The following CDC42 variants were observed in gnomAD, a reference collection of about 807,000 sequenced individuals.
The protein encoded by CDC42 is cell division cycle 42.
A neutral mutation model predicts 20.8 loss-of-function variants in CDC42; 1 was observed. That is an observed-to-expected ratio of 0.05 (90% CI 0.02 to 0.23). CDC42 has a LOEUF of 0.23. CDC42 is among the 10% of genes least tolerant of loss of function. The pLI is 1.00. For missense variants in CDC42, 49 were observed against 227.9 expected, an observed-to-expected ratio of 0.21 and a Z score of 5.05; for synonymous variants, 72 against 84.8, an observed-to-expected ratio of 0.85 and a Z score of 0.83.
At chr1:22,079,728 A>G (rs1235757208) in intron 2 of CDC42, among the ~76,000 whole-genome samples, 4 of 152,190 alleles carry the variant, frequency 2.6e-5, no homozygotes, top group Non-Finnish European at 5.9e-5. Context: ...AGGTACATGA[A>G]TCTTGTTTCA....
At chr1:22,086,235 T>C (rs536221122) in intron 3 of CDC42, among the ~76,000 whole-genome samples, 1 of 152,210 alleles carries the variant, frequency 6.6e-6, no homozygotes, top group Non-Finnish European at 1.5e-5. Context: ...GCAAATAACA[T>C]AATAGTAAAT....
In CDC42 at chr1:22,092,946, A is replaced by G. The variant is rs1360842142; in HGVS notation, c.*1429A>G. 6.6e-6 allele frequency: 1 copy of G among 152,596 alleles called. No homozygotes were observed. Among genetic ancestry groups the G allele is most frequent in the Non-Finnish European group, 1.5e-5 (1 of 68,040 alleles). 9.5% of individuals were successfully genotyped at this position (152,596 alleles called of 1,614,324 possible). On this transcript the variant is annotated 3_prime_UTR_variant, in exon 6 of 6. Coordinates refer to ENST00000656825, the MANE Select transcript of CDC42 (RefSeq NM_001791.4). ...ATTAAACAAACAAAAACCCTTCACA[A>G]GCCAGCCTGAGGGTTGTTATTTTCC...
chr1:22,089,903 A>G, intron 5 of CDC42: 2 of 1,604,506 alleles, frequency 1.2e-6, no homozygotes, highest in Admixed American at 1.7e-5. Context: ...CTAATCCTCT[A>G]ACCTGGCTGC....
intron 3 of CDC42, among the ~76,000 whole-genome samples, chr1:22,084,927 C>G (rs1645646174): frequency 6.6e-6 from 1 of 152,012 alleles, no homozygotes; most frequent in South Asian, 2.1e-4. Flanking sequence ...TCTTGGCACC[C>G]TTATCAAAAA....
intron 3 of CDC42, among the ~76,000 whole-genome samples, chr1:22,082,590 T>C (rs1645619303): frequency 1.3e-5 from 2 of 152,200 alleles, no homozygotes; most frequent in Admixed American, 1.3e-4. Flanking sequence ...ATCTTTAGAA[T>C]GTAGGAATTC....
Position 22,093,516 on chromosome 1 carries a change from C to T in CDC42, c.*1999C>T, listed in dbSNP as rs987929225. Among the ~76,000 whole-genome samples the T allele has an allele frequency of 6.6e-6, 1 of 152,186 alleles. No individual in the cohort carries two copies. Among genetic ancestry groups the T allele is most frequent in the Admixed American group, 6.5e-5 (1 of 15,272 alleles). On this transcript the variant is annotated 3_prime_UTR_variant, in exon 6 of 6. Transcript: ENST00000656825. ...TTTACCTTTAGGACATTATACTGAT[C>T]TGCATGAGAATCTTAGAAACTAAGA...
At chr1:22,058,707 C>T (rs1216052882) in intron 1 of CDC42, among the ~76,000 whole-genome samples, 4 of 152,160 alleles carry the variant, frequency 2.6e-5, no homozygotes, top group Non-Finnish European at 5.9e-5. Flanking sequence ...CCATGCTGGT[C>T]AGGCTGGTCT....
chr1:22,054,891 GTATA>G (rs1157685736), intron 1 of CDC42, among the ~76,000 whole-genome samples: 11,296 of 71,616 alleles, frequency 0.16, 848 homozygotes, highest in African/African-American at 0.18. Context: ...TTGAATTTAT[GTATA>G]TATATATATA....
chr1:22,064,941 ACAGG>A (rs1645405557), intron 1 of CDC42, among the ~76,000 whole-genome samples: 1 of 152,070 alleles, frequency 6.6e-6, no homozygotes. Flanking sequence ...TTCTGGGATT[ACAGG>A]CGTGCATTCT....
intron 1 of CDC42, among the ~76,000 whole-genome samples, chr1:22,054,923 T>TA (rs1557890201): frequency 4.0e-3 from 52 of 12,902 alleles, no homozygotes; most frequent in African/African-American, 4.2e-3. Flanking sequence ...ATATATATAT[T>TA]TTTTTTTTTT....
chr1:22,062,730 TA>T (rs531472151), intron 1 of CDC42, among the ~76,000 whole-genome samples: 13 of 69,402 alleles, frequency 1.9e-4, no homozygotes, highest in Non-Finnish European at 2.5e-4. Flanking sequence ...TGGCTCTATT[TA>T]AAAAAAAAAA....
intron 1 of CDC42, 103 bp from the exon 2 acceptor site, chr1:22,078,326 T>G (rs1645573369): frequency 1.8e-6 from 1 of 551,424 alleles, no homozygotes; most frequent in Non-Finnish European, 3.2e-6. Flanking sequence ...ATAATAATTG[T>G]GCTAGTTCTT....
rs553168193 is a variant in CDC42 at position 22,098,743 on chromosome 1, A to G, written c.*7226A>G. Among the ~76,000 whole-genome samples, 5 of 152,212 alleles carry G rather than the reference A, an allele frequency of 3.3e-5. No homozygotes were observed. The highest frequency in any genetic ancestry group is 1.9e-4 in the East Asian group (1 of 5,182). The stretch of plus-strand genomic sequence containing the variant: ...ATGAATTTTAGAGTATTTCTGGGCT[A>G]TAGGTCATTACAGCTTTACTTATTT... On this transcript the variant is annotated 3_prime_UTR_variant, in exon 6 of 6. Transcript: ENST00000656825.
In CDC42 at chr1:22,092,326, C is replaced by T. The variant is rs571469235; in HGVS notation, c.*809C>T. On this transcript the variant is annotated 3_prime_UTR_variant, in exon 6 of 6. Transcript: ENST00000656825. Reference sequence around the variant, plus strand: ...TTTTTGGGAAGTTAATTTCTAACTTCTTTCACTGATAAATGAAGAAAAGTA... The same window carrying T: ...TTTTTGGGAAGTTAATTTCTAACTTTTTTCACTGATAAATGAAGAAAAGTA... 1 of 152,686 alleles carries T rather than the reference C, an allele frequency of 6.5e-6. No homozygotes were observed. Among genetic ancestry groups the T allele is most frequent in the Admixed American group, 6.5e-5 (1 of 15,292 alleles). The allele number at this position is 152,686 out of a possible 1,614,324, so 9.5% of individuals were successfully genotyped here.
At chr1:22,069,595 T>G (rs1043527118) in intron 1 of CDC42, among the ~76,000 whole-genome samples, 2 of 144,256 alleles carry the variant, frequency 1.4e-5, no homozygotes, top group East Asian at 4.1e-4. Context: ...TAGTTGGGAC[T>G]ACAGGCACAT....
chr1:22,067,916 G>T (rs1645442261), intron 1 of CDC42, among the ~76,000 whole-genome samples: 1 of 152,122 alleles, frequency 6.6e-6, no homozygotes, highest in Non-Finnish European at 1.5e-5. Flanking sequence ...AGAAGGAGAG[G>T]TTTTGTAGTG....
rs1645741539 is a variant in CDC42, at chr1:22,094,295, T to TTTTTTTTTTTTTTA, written c.*2791_*2792insATTTTTTTTTTTTT. 8.7e-5 allele frequency among the ~76,000 whole-genome samples: 1 copy of TTTTTTTTTTTTTTA among 11,472 alleles called. No individual in the cohort carries two copies. Among genetic ancestry groups the TTTTTTTTTTTTTTA allele is most frequent in the Non-Finnish European group, 1.4e-4 (1 of 6,990 alleles). The allele number at this position is 11,472 out of a possible 152,430, so 7.5% of individuals were successfully genotyped here. A position where few individuals can be genotyped will look rare whatever the true frequency, so the allele number is the denominator to read the frequency against. Reference sequence around the variant, plus strand: ...TTTTACTGAACATCCTAGAAATAGATTTTTTTTTTTTTTTTTTTTTGAGAC... The same window carrying TTTTTTTTTTTTTTA: ...TTTTACTGAACATCCTAGAAATAGATTTTTTTTTTTTTTATTTTTTTTTTTTTTTTTTTTGAGAC... On this transcript the variant is annotated 3_prime_UTR_variant, in exon 6 of 6. Transcript: ENST00000656825.
At chr1:22,055,809 G>A (rs887287148) in intron 1 of CDC42, among the ~76,000 whole-genome samples, 1 of 150,858 alleles carries the variant, frequency 6.6e-6, no homozygotes, top group Non-Finnish European at 1.5e-5. Context: ...GGAAGTAAAA[G>A]ACTAGTTGTG....
chr1:22,066,743 G>A (rs974312656), intron 1 of CDC42, among the ~76,000 whole-genome samples: 3 of 152,104 alleles, frequency 2.0e-5, no homozygotes, highest in Non-Finnish European at 2.9e-5. Context: ...AGCTTTAAGA[G>A]CAGGGGCAGG....
Sources: gnomAD v4.1 joint callset for allele counts (sites outside exome capture counted in the v4.1 genomes callset) on GRCh38, gnomAD v4.1.1 for gene constraint, MANE v1.5 for transcripts, NCBI Gene and HGNC (gene_info 2026-07-23, HGNC 2026-07-21) for gene names.